The following PROSER1 variants were observed in gnomAD, a reference collection of about 807,000 sequenced individuals.
The protein encoded by PROSER1 is proline and serine rich 1.
In PROSER1, 36 loss-of-function variants were observed where a neutral mutation model predicts 71.8. The observed-to-expected ratio is 0.50, with a 90% confidence interval of 0.38 to 0.66. The LOEUF is 0.66. PROSER1 is among the 30% of genes least tolerant of loss of function. The pLI, the probability that PROSER1 is intolerant of heterozygous loss-of-function variation, is 0.00. For synonymous variants in PROSER1, 490 were observed against 452.4 expected (o/e 1.08, Z -1.06); for missense variants, 1,107 against 1,135.0 (o/e 0.98, Z 0.35).
At chr13:39,020,504 A>C (rs1870239362) in intron 9 of PROSER1, among the ~76,000 whole-genome samples, 1 of 152,146 alleles carries the variant, frequency 6.6e-6, no homozygotes, top group African/African-American at 2.4e-5. Flanking sequence ...AACACACTAC[A>C]AATCTGGTAG....
At chr13:39,022,261 T>C (rs1159386152) in intron 9 of PROSER1, 65 bp downstream of exon 9, 2 of 1,070,022 alleles carry the variant, frequency 1.9e-6, no homozygotes, top group Admixed American at 3.4e-5. Context: ...GCCAAACAAC[T>C]GTCCGTTCCA....
Position 39,024,561 on chromosome 13 carries a change from TAA to T in PROSER1, c.481-7_481-6del, listed in dbSNP as rs67984592. On this transcript the variant is annotated splice_region_variant and splice_polypyrimidine_tract_variant and intron_variant, in intron 6 of 12. Transcript: ENST00000352251. The stretch of plus-strand genomic sequence containing the variant: ...ATCTTTTTTCAAAGGAGTTCCCTAT[TAA>T]AAAAAAAAAAAAAAGGTAATTGAAA... 0.011 allele frequency: 13,534 copies of T among 1,240,052 alleles called. No homozygotes were observed. Among genetic ancestry groups the T allele is most frequent in the South Asian group, 0.015 (997 of 67,830 alleles). The allele number at this position is 1,240,052 out of a possible 1,614,324, so 76.8% of individuals were successfully genotyped here.
chr13:39,022,128 C>T (rs1164033095), intron 9 of PROSER1, among the ~76,000 whole-genome samples, 198 bp downstream of exon 9: 1 of 152,084 alleles, frequency 6.6e-6, no homozygotes, highest in Non-Finnish European at 1.5e-5. Flanking sequence ...AAATGTTAGC[C>T]TATATTACAA....
At chr13:39,022,039 C>T (rs955963102) in intron 9 of PROSER1, among the ~76,000 whole-genome samples, 3 of 152,188 alleles carry the variant, frequency 2.0e-5, no homozygotes, top group Non-Finnish European at 4.4e-5. Flanking sequence ...ACTCTTTGTG[C>T]ACCTCTGTAT....
chr13:39,019,347 C>CAAAAAAAAAA (rs558681903), intron 9 of PROSER1, among the ~76,000 whole-genome samples: 1 of 72,928 alleles, frequency 1.4e-5, no homozygotes, highest in Non-Finnish European at 2.9e-5. Context: ...ACTAAAAATA[C>CAAAAAAAAAA]AAAAAAAAAA....
Position 39,013,965 on chromosome 13 carries a change from A to G in PROSER1, c.1287T>C (p.Phe429=). The G allele has an allele frequency of 6.2e-7, 1 of 1,614,166 alleles. No individual in the cohort carries two copies. The highest frequency in any genetic ancestry group is 8.5e-7 in the Non-Finnish European group (1 of 1,180,022). ...GTGGTAAGGGCAAAGGGAGCCCTGC[A>G]AAAACTGATGACAATGAAGCAGAAT... ...NPNSASLSSV[F]AGLPLPLPPT... Residue 429 remains phenylalanine (F), a synonymous_variant, in exon 11 of 13, where the codon TTT becomes TTC. Transcript: ENST00000352251.
At chr13:39,029,644 G>T (rs1870738197) in intron 3 of PROSER1, among the ~76,000 whole-genome samples, 1 of 151,850 alleles carries the variant, frequency 6.6e-6, no homozygotes, top group African/African-American at 2.4e-5. Flanking sequence ...TTCAGTTACA[G>T]AATTAAAAAA....
At position 39,011,094 on chromosome 13, in the gene PROSER1, A is replaced by G. The variant is rs1224213766; in HGVS notation, c.*271T>C. On this transcript the variant is annotated 3_prime_UTR_variant, in exon 13 of 13. Transcript: ENST00000352251. ...AATATTCTTTCTATGTAGATCACAT[A>G]CACAATTCAAAATTTTATAGGACAG... The G allele has an allele frequency of 2.7e-6, 1 of 364,400 alleles. No individual in the cohort carries two copies. The highest frequency in any genetic ancestry group is 5.1e-6 in the Non-Finnish European group (1 of 197,182). The allele number at this position is 364,400 out of a possible 1,614,324, so 22.6% of individuals were successfully genotyped here. A position where few individuals can be genotyped will look rare whatever the true frequency, so the allele number is the denominator to read the frequency against.
In PROSER1 at chr13:39,013,927, C is replaced by G; in HGVS notation, c.1325G>C (p.Gly442Ala). The change falls in exon 11 of 13, where the codon GGC becomes GCC. Residue 442 changes from glycine (G) to alanine (A), a missense_variant. Gly to Ala is a moderately conservative substitution (Grantham distance 60). Transcript: ENST00000352251. ...AATTACAGGAGTCGGGTTGGATAGG[C>G]CTTGGGATGTTGGTGGTAAGGGCAA... Reference protein sequence around the residue: ...LPLPLPPTSQGLSNPTPVIAG... With the variant: ...LPLPLPPTSQALSNPTPVIAG... The G allele has an allele frequency of 6.2e-7, 1 of 1,614,052 alleles. No homozygotes were observed. The highest frequency in any genetic ancestry group is 8.5e-7 in the Non-Finnish European group (1 of 1,180,022).
Position 39,013,119 on chromosome 13 carries a change from G to A in PROSER1, c.2133C>T (p.Gly711=), listed in dbSNP as rs759042552. 6.2e-7 allele frequency: 1 copy of A among 1,614,126 alleles called. No homozygotes were observed. Among genetic ancestry groups the A allele is most frequent in the South Asian group, 1.1e-5 (1 of 91,082 alleles). Residue 711 remains glycine (G), a synonymous_variant, in exon 11 of 13, where the codon GGC becomes GGT. Coordinates refer to ENST00000352251, the MANE Select transcript of PROSER1 (RefSeq NM_025138.5). ...TSLTNNFPLT[G]NPSLNPSVSL... is the part of the protein sequence containing the mutation. ...ATACTGACGGATTAAGAGATGGGTT[G>A]CCAGTTAAAGGAAAATTGTTGGTCA...
chr13:39,026,838 G>A (rs1479347858), intron 5 of PROSER1, among the ~76,000 whole-genome samples: 1 of 152,058 alleles, frequency 6.6e-6, no homozygotes, highest in Non-Finnish European at 1.5e-5. Context: ...ACATTGGGTG[G>A]TCCAAAGACC....
chr13:39,012,105 G>A lies in PROSER1; in HGVS notation c.2690C>T (p.Ala897Val), dbSNP rs780605427. 3.7e-6 allele frequency: 6 copies of A among 1,613,972 alleles called. No individual in the cohort carries two copies. In the South Asian group the frequency reaches 4.4e-5, roughly 12 times the overall value. Reference sequence around the variant, plus strand: ...TACCTGCTGTAACAATGCTGACTGCGCAGCCGCATTATGCTGTAATTCTTG... The same window carrying A: ...TACCTGCTGTAACAATGCTGACTGCACAGCCGCATTATGCTGTAATTCTTG... ...SLQELQHNAA[A>V]QSALLQQVHS... The change falls in exon 12 of 13, where the codon GCG (alanine) becomes GTG (valine). Residue 897 changes from alanine (A) to valine (V), a missense_variant. By Grantham distance (64) the Ala-to-Val change is moderately conservative. Transcript: ENST00000352251.
intron 8 of PROSER1, 71 bp from the exon 9 acceptor site, chr13:39,022,483 G>C (rs1870343001): frequency 8.9e-6 from 9 of 1,015,838 alleles, no homozygotes; most frequent in Non-Finnish European, 1.3e-5. Flanking sequence ...TCTGTGACTA[G>C]GAGTTCAAAC....
At chr13:39,034,217 C>G (rs764244990) in intron 1 of PROSER1, 21 bp from the exon 2 acceptor site, 1 of 1,543,170 alleles carries the variant, frequency 6.5e-7, no homozygotes, top group Non-Finnish European at 8.8e-7. Flanking sequence ...AAAACACACA[C>G]ACACAGAGTA....
chr13:39,026,625 G>T (rs1417242841), intron 5 of PROSER1, among the ~76,000 whole-genome samples: 3 of 152,132 alleles, frequency 2.0e-5, no homozygotes, highest in African/African-American at 7.2e-5. Flanking sequence ...TACAAAGAAT[G>T]TCTTCACAGT....
chr13:39,014,488 G>A lies in PROSER1; in HGVS notation c.776-12C>T. The A allele has an allele frequency of 6.4e-7, 1 of 1,560,126 alleles. No individual in the cohort carries two copies. Among genetic ancestry groups the A allele is most frequent in the Admixed American group, 1.9e-5 (1 of 53,602 alleles). On this transcript the variant is annotated splice_polypyrimidine_tract_variant and intron_variant, in intron 10 of 12. Coordinates refer to ENST00000352251, the MANE Select transcript of PROSER1 (RefSeq NM_025138.5). The stretch of plus-strand genomic sequence containing the variant: ...TGGGGTGGAAAATGCTATATGGAAG[G>A]GGGAAAAAAGGCAAGAATGTATCAT...
chr13:39,020,380 A>G (rs959531445), intron 9 of PROSER1, among the ~76,000 whole-genome samples: 3 of 152,060 alleles, frequency 2.0e-5, no homozygotes, highest in Non-Finnish European at 2.9e-5. Flanking sequence ...ACACACACAC[A>G]CACCCCTGTT....
chr13:39,034,421 G>C (rs1871001600), intron 1 of PROSER1, among the ~76,000 whole-genome samples: 1 of 152,082 alleles, frequency 6.6e-6, no homozygotes, highest in South Asian at 2.1e-4. Context: ...AGATCTGCTG[G>C]GCTTCCCTAC....
At chr13:39,022,681 T>C (rs892432745) in intron 8 of PROSER1, 2 of 415,996 alleles carry the variant, frequency 4.8e-6, no homozygotes, top group East Asian at 3.9e-5. Flanking sequence ...GAACCTGCTA[T>C]ACTTACATTA....
Sources: gnomAD v4.1 joint callset for allele counts (sites outside exome capture counted in the v4.1 genomes callset) on GRCh38, gnomAD v4.1.1 for gene constraint, MANE v1.5 for transcripts, NCBI Gene and HGNC (gene_info 2026-07-23, HGNC 2026-07-21) for gene names.